FBN2: variants seen among roughly 807,000 people sequenced by gnomAD.
The protein encoded by FBN2 is fibrillin-2.
Under a neutral mutation model 355.6 loss-of-function variants are expected in FBN2, and 105 were observed. That is an observed-to-expected ratio of 0.30 (90% CI 0.25 to 0.35). The LOEUF (loss-of-function observed/expected upper bound fraction) is 0.35, where lower values mean the gene tolerates loss of function less well. FBN2 is among the 10% of genes least tolerant of loss of function. The pLI is 1.00. For synonymous variants in FBN2, 1,350 were observed against 1,301.2 expected (o/e 1.04, Z -0.81); for missense variants, 3,280 against 3,758.7 (o/e 0.87, Z 3.33).
At chr5:128,377,359 G>A (rs1241518836) in intron 13 of FBN2, among the ~76,000 whole-genome samples, 1 of 152,102 alleles carries the variant, frequency 6.6e-6, no homozygotes, top group East Asian at 1.9e-4. Flanking sequence ...TATTCCTCCA[G>A]TTTGTGGAGG....
At chr5:128,412,063 T>C (rs992723254) in intron 7 of FBN2, among the ~76,000 whole-genome samples, 4 of 152,208 alleles carry the variant, frequency 2.6e-5, no homozygotes, top group African/African-American at 9.7e-5. Context: ...ATCCATGTTC[T>C]GCACACTGAA....
At chr5:128,532,208 C>G (rs1191622373) in intron 2 of FBN2, among the ~76,000 whole-genome samples, 1 of 152,196 alleles carries the variant, frequency 6.6e-6, no homozygotes, top group Non-Finnish European at 1.5e-5. Context: ...CTTCCTACAG[C>G]CTTTCTCCTT....
chr5:128,393,425 A>G, intron 9 of FBN2, 57 bp from the exon 10 acceptor site: 1 of 1,453,650 alleles, frequency 6.9e-7, no homozygotes, highest in African/African-American at 1.4e-5. Context: ...GCATAACAAA[A>G]GCCATTGGTA....
At chr5:128,416,222 T>C (rs1753194089) in intron 7 of FBN2, among the ~76,000 whole-genome samples, 1 of 151,984 alleles carries the variant, frequency 6.6e-6, no homozygotes, top group Admixed American at 6.6e-5. Context: ...ATGGGGTTTC[T>C]CCATGTTGAA....
chr5:128,329,322 C>T (rs1750632521), intron 33 of FBN2, among the ~76,000 whole-genome samples: 2 of 152,062 alleles, frequency 1.3e-5, no homozygotes, highest in African/African-American at 4.8e-5. Context: ...TAAAAATACT[C>T]CTATCTTAAT....
At chr5:128,288,648 C>T in intron 52 of FBN2, 91 bp from the exon 53 acceptor site, 1 of 1,463,728 alleles carries the variant, frequency 6.8e-7, no homozygotes, top group South Asian at 1.1e-5. Context: ...TCACCCATTT[C>T]CAGGATCTGA....
At chr5:128,520,437 C>G (rs2112789276) in intron 4 of FBN2, among the ~76,000 whole-genome samples, 1 of 152,276 alleles carries the variant, frequency 6.6e-6, no homozygotes, top group Middle Eastern at 3.4e-3. Flanking sequence ...ATTCTATGAC[C>G]TGTGTCCACA....
chr5:128,345,271 A>T (rs867797638), intron 24 of FBN2, 86 bp downstream of exon 24: 1 of 1,132,598 alleles, frequency 8.8e-7, no homozygotes, highest in Non-Finnish European at 1.3e-6. Flanking sequence ...GGGAAGTCAA[A>T]CATTTAAAGC....
intron 16 of FBN2, among the ~76,000 whole-genome samples, chr5:128,368,599 G>A (rs1751846824): frequency 6.6e-6 from 1 of 151,196 alleles, no homozygotes; most frequent in South Asian, 2.1e-4. Flanking sequence ...CACAGATCAA[G>A]GAAACTGAGG....
intron 7 of FBN2, among the ~76,000 whole-genome samples, chr5:128,410,877 G>C (rs1225976443): frequency 6.6e-6 from 1 of 152,120 alleles, no homozygotes; most frequent in Non-Finnish European, 1.5e-5. Context: ...CTCAGGTTTT[G>C]TATAAAAAAT....
At chr5:128,372,773 T>C (rs2126952276) in intron 15 of FBN2, among the ~76,000 whole-genome samples, 1 of 152,260 alleles carries the variant, frequency 6.6e-6, no homozygotes, top group Non-Finnish European at 1.5e-5. Flanking sequence ...ATTATAGGCA[T>C]GCACCACTAC....
At chr5:128,419,368 T>G (rs182263660) in intron 7 of FBN2, among the ~76,000 whole-genome samples, 1 of 152,142 alleles carries the variant, frequency 6.6e-6, no homozygotes. Context: ...ATGGTGAGAG[T>G]AGACATCAGT....
chr5:128,345,220 A>C, intron 24 of FBN2, 137 bp downstream of exon 24: 1 of 758,722 alleles, frequency 1.3e-6, no homozygotes, highest in South Asian at 1.4e-5. Flanking sequence ...TTGGGACAGA[A>C]CATTGGTCAC....
intron 5 of FBN2, among the ~76,000 whole-genome samples, chr5:128,498,763 A>G (rs1755725034): frequency 1.3e-5 from 2 of 152,230 alleles, no homozygotes; most frequent in Admixed American, 1.3e-4. Context: ...AAAAGTGTGC[A>G]GGGTTACATT....
chr5:128,444,318 C>T (rs1000114701), intron 7 of FBN2, among the ~76,000 whole-genome samples: 40 of 151,352 alleles, frequency 2.6e-4, no homozygotes, highest in African/African-American at 2.9e-4. Context: ...AAGATCCACC[C>T]GCCTCGGCCT....
chr5:128,269,932 T>C (rs145304707), intron 62 of FBN2, among the ~76,000 whole-genome samples: 359 of 152,320 alleles, frequency 2.4e-3, no homozygotes, highest in African/African-American at 8.0e-3. Flanking sequence ...TCATGCTACC[T>C]GTCTTCAAAG....
intron 39 of FBN2, among the ~76,000 whole-genome samples, chr5:128,310,402 A>ATATATAT (rs1475271868): frequency 6.4e-4 from 15 of 23,280 alleles, no homozygotes; most frequent in South Asian, 2.8e-3. Context: ...ATATATATAT[A>ATATATAT]TTTTTTTTTT....
At position 128,380,881 on chromosome 5, in the gene FBN2, ACTT is replaced by A. The variant is rs540102028; in HGVS notation, c.1604-1994_1604-1992del. 3.9e-5 allele frequency among the ~76,000 whole-genome samples: 6 copies of A among 152,074 alleles called. No individual in the cohort carries two copies. In the East Asian group the frequency reaches 9.7e-4, roughly 25 times the overall value. Reference sequence around the variant, plus strand: ...TAAATACTACGTTCTGTACATTTTGACTTCTTAGTATGTTTTCATTGGGGGGAT... The same window carrying A: ...TAAATACTACGTTCTGTACATTTTGACTTAGTATGTTTTCATTGGGGGGAT... On this transcript the variant is annotated intron_variant, in intron 11 of 64. Coordinates refer to ENST00000262464, the MANE Select transcript of FBN2 (RefSeq NM_001999.4).
At chr5:128,486,811 C>T (rs1278200968) in intron 5 of FBN2, among the ~76,000 whole-genome samples, 1 of 152,134 alleles carries the variant, frequency 6.6e-6, no homozygotes, top group Non-Finnish European at 1.5e-5. Context: ...GTTCCCCTTC[C>T]TGTGTCCAAG....
Sources: allele counts gnomAD v4.1 joint callset (sites outside exome capture counted in the v4.1 genomes callset), GRCh38; gene constraint gnomAD v4.1.1; transcripts MANE v1.5; gene names NCBI Gene and HGNC (gene_info 2026-07-23, HGNC 2026-07-21).